HHAT: variants seen among roughly 807,000 people sequenced by gnomAD.
HHAT encodes hedgehog acyltransferase.
HHAT carries 47 observed loss-of-function variants against 70.8 expected under a neutral mutation model. The ratio of observed to expected loss-of-function variants is 0.66; its 90% CI spans 0.53 to 0.85. The LOEUF (loss-of-function observed/expected upper bound fraction) is 0.85. HHAT is among the 40% of genes least tolerant of loss of function. The probability of loss-of-function intolerance (pLI) is 0.00; values close to 1 mark genes in which losing one functional copy is unlikely to be tolerated. For missense variants in HHAT, 609 were observed against 604.8 expected, an observed-to-expected ratio of 1.01 and a Z score of -0.07; for synonymous variants, 228 against 247.6, an observed-to-expected ratio of 0.92 and a Z score of 0.74.
chr1:210,575,370 C>CT (rs1657452782), intron 9 of HHAT, among the ~76,000 whole-genome samples: 1 of 152,110 alleles, frequency 6.6e-6, no homozygotes, highest in South Asian at 2.1e-4. Flanking sequence ...CTTCAAGGAC[C>CT]TTTTTATTAG....
At chr1:210,618,605 C>T (rs910146343) in intron 10 of HHAT, among the ~76,000 whole-genome samples, 2 of 152,194 alleles carry the variant, frequency 1.3e-5, no homozygotes, top group African/African-American at 4.8e-5. Context: ...AGCCTGTCCC[C>T]ACCTCCCGTC....
chr1:210,431,104 T>C (rs1432936810), intron 7 of HHAT, among the ~76,000 whole-genome samples: 2 of 151,946 alleles, frequency 1.3e-5, no homozygotes, highest in African/African-American at 4.9e-5. Context: ...TGTCTGTGTT[T>C]GGAATACATT....
intron 8 of HHAT, among the ~76,000 whole-genome samples, chr1:210,485,241 CTTT>C (rs1489681870): frequency 6.6e-6 from 1 of 152,144 alleles, no homozygotes; most frequent in Non-Finnish European, 1.5e-5. Flanking sequence ...ATATACCTGA[CTTT>C]TTAACATGCC....
intron 6 of HHAT, among the ~76,000 whole-genome samples, chr1:210,408,372 G>C (rs966550698): frequency 6.6e-6 from 1 of 152,010 alleles, no homozygotes; most frequent in Non-Finnish European, 1.5e-5. Flanking sequence ...TAGTAGAGAT[G>C]GGGTTTTACC....
intron 10 of HHAT, among the ~76,000 whole-genome samples, chr1:210,594,469 C>T (rs970995410): frequency 6.6e-6 from 1 of 152,058 alleles, no homozygotes; most frequent in African/African-American, 2.4e-5. Flanking sequence ...GTTTGCACTG[C>T]TTTTAACTTT....
intron 11 of HHAT, among the ~76,000 whole-genome samples, chr1:210,627,769 A>C (rs1017319456): frequency 6.6e-6 from 1 of 152,182 alleles, no homozygotes; most frequent in Non-Finnish European, 1.5e-5. Context: ...TTAATATTGA[A>C]GTTTACTTCA....
At chr1:210,371,399 C>T (rs1002264079) in intron 3 of HHAT, among the ~76,000 whole-genome samples, 1 of 152,194 alleles carries the variant, frequency 6.6e-6, no homozygotes, top group Non-Finnish European at 1.5e-5. Context: ...ATCCACCTGC[C>T]TTGGCCTCCC....
chr1:210,479,566 G>GT (rs1558600468), intron 8 of HHAT, among the ~76,000 whole-genome samples: 1 of 152,212 alleles, frequency 6.6e-6, no homozygotes, highest in African/African-American at 2.4e-5. Context: ...AGAGAGGAGA[G>GT]TGGCAGACCT....
Position 210,608,137 on chromosome 1 carries a change from G to T in HHAT, c.1246-15389G>T, listed in dbSNP as rs187508600. Among the ~76,000 whole-genome samples, 53 of 152,266 alleles carry T rather than the reference G, an allele frequency of 3.5e-4. No homozygotes were observed. In the Middle Eastern group the frequency reaches 0.01, roughly 29 times the overall value. ...TTCTCTTGCAAATAATGCATCTGCAGTGAAGACTCCATTTCGAGATTCCTC... is the reference window on the plus strand; with the variant it reads ...TTCTCTTGCAAATAATGCATCTGCATTGAAGACTCCATTTCGAGATTCCTC... On this transcript the variant is annotated intron_variant, in intron 10 of 11. Transcript: ENST00000261458.
intron 11 of HHAT, among the ~76,000 whole-genome samples, chr1:210,665,991 C>A (rs1678805271): frequency 6.6e-6 from 1 of 152,056 alleles, no homozygotes; most frequent in Non-Finnish European, 1.5e-5. Flanking sequence ...CTTTGTAGAC[C>A]ATTTGCATGT....
intron 8 of HHAT, among the ~76,000 whole-genome samples, chr1:210,474,712 CTTTA>C (rs1203171436): frequency 2.0e-5 from 3 of 151,924 alleles, no homozygotes; most frequent in Non-Finnish European, 4.4e-5. Flanking sequence ...GGTTGTGTTT[CTTTA>C]TTGAGTCTAG....
At chr1:210,356,001 C>A (rs879721671) in intron 2 of HHAT, among the ~76,000 whole-genome samples, 1 of 152,102 alleles carries the variant, frequency 6.6e-6, no homozygotes, top group African/African-American at 2.4e-5. Context: ...GCTGCAAACT[C>A]AAGTGCTTGG....
intron 8 of HHAT, among the ~76,000 whole-genome samples, chr1:210,482,364 G>A (rs776140517): frequency 6.6e-6 from 1 of 152,166 alleles, no homozygotes; most frequent in East Asian, 1.9e-4. Flanking sequence ...AAAATGTGCT[G>A]CCACTTGAAA....
chr1:210,585,024 C>T (rs1288053285), intron 9 of HHAT, among the ~76,000 whole-genome samples: 1 of 152,160 alleles, frequency 6.6e-6, no homozygotes, highest in Non-Finnish European at 1.5e-5. Context: ...AAAGTATTGG[C>T]TTTGCTTTAC....
intron 11 of HHAT, among the ~76,000 whole-genome samples, chr1:210,634,333 G>T (rs1055144376): frequency 1.3e-5 from 2 of 152,128 alleles, no homozygotes; most frequent in Non-Finnish European, 2.9e-5. Context: ...CCTGATTTCC[G>T]TTTTTCCCCA....
chr1:210,577,767 CTT>C (rs1658229938), intron 9 of HHAT, among the ~76,000 whole-genome samples: 2 of 148,044 alleles, frequency 1.4e-5, no homozygotes, highest in Non-Finnish European at 3.0e-5. Flanking sequence ...CTGTCTCAGT[CTT>C]ACAAATAGTG....
At position 210,580,528 on chromosome 1, in the gene HHAT, C is replaced by T. The variant is rs539831383; in HGVS notation, c.1044-7370C>T. 6.4e-4 allele frequency among the ~76,000 whole-genome samples: 77 copies of T among 119,478 alleles called. 1 individual carries two copies. Among genetic ancestry groups the T allele is most frequent in the East Asian group, 4.8e-3 (17 of 3,558 alleles). The allele number at this position is 119,478 out of a possible 152,430, so 78.4% of individuals were successfully genotyped here. On this transcript the variant is annotated intron_variant, in intron 9 of 11. Transcript: ENST00000261458. ...CCAGCAGGCCCTGGTGTGTGTTGTT[C>T]CCCTGTCTGTATCCACGTGTCTCAT...
rs187126671 is a variant in HHAT, at chr1:210,407,665, C to T, written c.684+2986C>T. 4.4e-3 allele frequency among the ~76,000 whole-genome samples: 673 copies of T among 152,252 alleles called. 5 individuals are homozygous for T. The highest frequency in any genetic ancestry group is 4.7e-3 in the Non-Finnish European group (323 of 68,026). On this transcript the variant is annotated intron_variant, in intron 6 of 11. Transcript: ENST00000261458. ...TTAACTTGAAGGCTATTTCTGGTGG[C>T]ATTTAGAGTTTTAGGAACATGGGCC... is the stretch of plus-strand genomic sequence containing the variant.
chr1:210,469,946 A>G (rs557682220), intron 8 of HHAT, among the ~76,000 whole-genome samples: 1 of 152,058 alleles, frequency 6.6e-6, no homozygotes. Flanking sequence ...TCTAGGTTTT[A>G]AGTTCCGCAT....
Sources: allele counts gnomAD v4.1 joint callset (sites outside exome capture counted in the v4.1 genomes callset), GRCh38; gene constraint gnomAD v4.1.1; transcripts MANE v1.5; gene names NCBI Gene and HGNC (gene_info 2026-07-23, HGNC 2026-07-21).